NRXN3: variants seen among roughly 807,000 people sequenced by gnomAD.
NRXN3 encodes the protein neurexin III.
Under a neutral mutation model 137.6 loss-of-function variants are expected in NRXN3, and 32 were observed. That is an observed-to-expected ratio of 0.23 (90% CI 0.18 to 0.31). The LOEUF is 0.31. Among genes scored for constraint, NRXN3 ranks in the 10% least tolerant of loss-of-function variants. The pLI is 1.00. For synonymous variants in NRXN3, 798 were observed against 784.5 expected, an observed-to-expected ratio of 1.02 and a Z score of -0.29; for missense variants, 1,574 against 2,062.5, an observed-to-expected ratio of 0.76 and a Z score of 4.59.
At chr14:79,771,349 T>C (rs561907455) in intron 19 of NRXN3, among the ~76,000 whole-genome samples, 1 of 152,284 alleles carries the variant, frequency 6.6e-6, no homozygotes, top group South Asian at 2.1e-4. Flanking sequence ...CCAGTATCCT[T>C]GATGAACATT....
chr14:78,178,425 T>C (rs956148683), intron 1 of NRXN3, among the ~76,000 whole-genome samples: 6 of 152,220 alleles, frequency 3.9e-5, no homozygotes, highest in African/African-American at 1.4e-4. Context: ...AAGGAAACTC[T>C]GTTTCCCAAG....
intron 15 of NRXN3, among the ~76,000 whole-genome samples, chr14:79,011,904 T>C (rs1187768257): frequency 6.6e-6 from 1 of 152,204 alleles, no homozygotes; most frequent in Non-Finnish European, 1.5e-5. Context: ...AGCAGTTCGA[T>C]GGGAGAATAA....
intron 4 of NRXN3, among the ~76,000 whole-genome samples, chr14:78,580,490 T>C (rs1026248442): frequency 6.6e-6 from 1 of 152,196 alleles, no homozygotes; most frequent in African/African-American, 2.4e-5. Context: ...AAGGGTGAGC[T>C]CCTTTTCGTG....
chr14:79,722,153 C>T (rs79997148), intron 19 of NRXN3, among the ~76,000 whole-genome samples: 41 of 152,138 alleles, frequency 2.7e-4, no homozygotes, highest in Non-Finnish European at 5.6e-4. Context: ...CTTCTTTTAC[C>T]TATTTAACAG....
At chr14:78,278,545 A>C in intron 2 of NRXN3, 100 bp from the exon 3 acceptor site, 1 of 900,294 alleles carries the variant, frequency 1.1e-6, no homozygotes, top group Non-Finnish European at 1.8e-6. Flanking sequence ...ATGCAAGAGC[A>C]CATTGCATTG....
At chr14:78,437,025 C>A (rs930896729) in intron 4 of NRXN3, among the ~76,000 whole-genome samples, 5 of 152,198 alleles carry the variant, frequency 3.3e-5, no homozygotes, top group Admixed American at 2.6e-4. Context: ...AGTTGCTTAT[C>A]CTTTCTATGC....
intron 20 of NRXN3, among the ~76,000 whole-genome samples, chr14:79,830,352 G>C (rs1042776252): frequency 5.3e-5 from 8 of 152,152 alleles, no homozygotes; most frequent in Non-Finnish European, 1.0e-4. Context: ...AAGTGGACTT[G>C]ACTCTGGATA....
intron 19 of NRXN3, among the ~76,000 whole-genome samples, chr14:79,767,561 T>G (rs2099060231): frequency 6.6e-6 from 1 of 152,232 alleles, no homozygotes; most frequent in African/African-American, 2.4e-5. Context: ...TAACATCATC[T>G]ATACCATCAT....
At chr14:79,584,173 G>C (rs1451998277) in intron 16 of NRXN3, among the ~76,000 whole-genome samples, 1 of 152,100 alleles carries the variant, frequency 6.6e-6, no homozygotes, top group Non-Finnish European at 1.5e-5. Context: ...GGTATGCAGA[G>C]CTTAACTACT....
At chr14:79,253,433 C>A (rs1238824869) in intron 15 of NRXN3, among the ~76,000 whole-genome samples, 1 of 152,200 alleles carries the variant, frequency 6.6e-6, no homozygotes, top group Non-Finnish European at 1.5e-5. Flanking sequence ...GGTCCTCTCT[C>A]ACCCAAAAAC....
At chr14:78,652,950 T>C (rs1388791333) in intron 6 of NRXN3, among the ~76,000 whole-genome samples, 1 of 152,184 alleles carries the variant, frequency 6.6e-6, no homozygotes, top group Non-Finnish European at 1.5e-5. Context: ...AATGCTCTAA[T>C]TGAGTAGAGG....
At chr14:79,292,379 C>A (rs75164077) in intron 15 of NRXN3, among the ~76,000 whole-genome samples, 2 of 152,136 alleles carry the variant, frequency 1.3e-5, no homozygotes, top group Non-Finnish European at 2.9e-5. Context: ...TCTAAGAATC[C>A]GTTTTTTTCA....
chr14:79,101,200 G>A (rs958885963), intron 15 of NRXN3, among the ~76,000 whole-genome samples: 12 of 152,112 alleles, frequency 7.9e-5, no homozygotes, highest in Non-Finnish European at 1.8e-4. Flanking sequence ...AGGCACTCAG[G>A]GCAGTGGTTT....
intron 15 of NRXN3, among the ~76,000 whole-genome samples, chr14:79,126,324 C>CT: frequency 6.7e-6 from 1 of 148,446 alleles, no homozygotes; most frequent in East Asian, 2.0e-4. Context: ...ATCCCTCCCC[C>CT]CCGCCCCACC....
chr14:78,787,195 G>C (rs191635041), intron 8 of NRXN3, among the ~76,000 whole-genome samples: 8 of 152,230 alleles, frequency 5.3e-5, no homozygotes, highest in Admixed American at 3.3e-4. Flanking sequence ...ATTGAGGTTT[G>C]TTGAACTGGC....
In NRXN3 at chr14:79,518,202, G is replaced by A. The variant is rs564193548; in HGVS notation, c.3444+50800G>A. Among the ~76,000 whole-genome samples, 71 of 152,020 alleles carry A rather than the reference G, an allele frequency of 4.7e-4. 1 individual carries two copies. In the South Asian group the frequency reaches 0.012, roughly 26 times the overall value. ...TTACAGGCGTGAGCCACGGCACCCA[G>A]CCCACTTTTCTTTTATATTTTTTTA... On this transcript the variant is annotated intron_variant, in intron 16 of 20. Transcript: ENST00000335750.
chr14:78,715,146 C>A lies in NRXN3; in HGVS notation c.2044+7C>A. On this transcript the variant is annotated splice_region_variant and intron_variant, in intron 8 of 20. Transcript: ENST00000335750. Reference sequence around the variant, plus strand: ...GGAAGAACCTGCGAAAGGGGTGAGTCGGCCTAGAGGATGGCAAGTGAGGGC... The same window carrying A: ...GGAAGAACCTGCGAAAGGGGTGAGTAGGCCTAGAGGATGGCAAGTGAGGGC... 6.2e-7 allele frequency: 1 copy of A among 1,602,760 alleles called. No homozygotes were observed. Among genetic ancestry groups the A allele is most frequent in the South Asian group, 1.1e-5 (1 of 90,914 alleles).
At position 79,019,364 on chromosome 14, in the gene NRXN3, A is replaced by G. The variant is rs1055489757; in HGVS notation, c.3262+31223A>G. ...TAGATTGTAAATTCAAGTATTATGT[A>G]TCTTTCCAAATAACAGCATCTGACT... On this transcript the variant is annotated intron_variant, in intron 15 of 20. Transcript: ENST00000335750. Among the ~76,000 whole-genome samples the G allele has an allele frequency of 3.3e-5, 5 of 152,220 alleles. No individual in the cohort carries two copies. In the East Asian group the frequency reaches 7.7e-4, roughly 23 times the overall value.
chr14:79,377,759 A>C (rs2094347660), intron 15 of NRXN3, among the ~76,000 whole-genome samples: 1 of 152,210 alleles, frequency 6.6e-6, no homozygotes, highest in Non-Finnish European at 1.5e-5. Flanking sequence ...CTGTCTCAAA[A>C]AAAGAAATAT....
Sources: allele counts gnomAD v4.1 joint callset (sites outside exome capture counted in the v4.1 genomes callset), GRCh38; gene constraint gnomAD v4.1.1; transcripts MANE v1.5; gene names NCBI Gene and HGNC (gene_info 2026-07-23, HGNC 2026-07-21).